The following GRAMD4 variants were observed in gnomAD, a reference collection of about 807,000 sequenced individuals.
GRAMD4 encodes the protein GRAM domain-containing protein 4.
Under a neutral mutation model 83.9 loss-of-function variants are expected in GRAMD4, and 25 were observed. The ratio of observed to expected loss-of-function variants is 0.30; its 90% CI spans 0.22 to 0.42. GRAMD4 has a LOEUF of 0.42. Ranked by LOEUF, GRAMD4 falls within the 10% of genes least tolerant of loss-of-function variation. The pLI, the probability that GRAMD4 is intolerant of heterozygous loss-of-function variation, is 1.00. For missense variants in GRAMD4, 593 were observed against 788.7 expected (o/e 0.75, Z 2.97); for synonymous variants, 336 against 320.9 (o/e 1.05, Z -0.50).
At chr22:46,623,004 TAGGG>T (rs1271308602) in intron 1 of GRAMD4, among the ~76,000 whole-genome samples, 4 of 151,576 alleles carry the variant, frequency 2.6e-5, no homozygotes, top group Non-Finnish European at 4.4e-5. Context: ...AAAGAAGTAA[TAGGG>T]AGGCATTTTA....
At chr22:46,599,187 C>T (rs545207623) in intron 1 of GRAMD4, among the ~76,000 whole-genome samples, 1 of 151,924 alleles carries the variant, frequency 6.6e-6, no homozygotes, top group South Asian at 2.1e-4. Context: ...GATATTTCTG[C>T]TGTTGAGCCA....
chr22:46,585,845 G>A (rs972649096), intron 1 of GRAMD4, among the ~76,000 whole-genome samples: 5 of 152,060 alleles, frequency 3.3e-5, no homozygotes, highest in Admixed American at 2.6e-4. Flanking sequence ...GCTTGAGACC[G>A]GCCTCTCAGG....
chr22:46,625,674 C>T (rs904686228), intron 1 of GRAMD4, among the ~76,000 whole-genome samples: 12 of 152,216 alleles, frequency 7.9e-5, no homozygotes, highest in Non-Finnish European at 1.3e-4. Flanking sequence ...AAGTTGGGGA[C>T]GGGGTTTTGG....
At chr22:46,651,704 G>A (rs1227312449) in intron 3 of GRAMD4, among the ~76,000 whole-genome samples, 2 of 152,228 alleles carry the variant, frequency 1.3e-5, no homozygotes, top group Non-Finnish European at 2.9e-5. Context: ...TGGGCCACGT[G>A]GGTGACTCTG....
At chr22:46,594,903 G>A (rs1900198311) in intron 1 of GRAMD4, among the ~76,000 whole-genome samples, 1 of 152,114 alleles carries the variant, frequency 6.6e-6, no homozygotes, top group South Asian at 2.1e-4. Flanking sequence ...TTTGCTGTCT[G>A]TGGTTTGCTG....
In GRAMD4 at chr22:46,673,777, G is replaced by T; in HGVS notation, c.1347G>T (p.Glu449Asp). ...FHSTKKGNFH[E>D]IFNLTENERP... ...GCACCAAGAAGGGCAATTTCCACGAGATCTTCAATCTGACAGAAAACGAGC... is the reference window on the plus strand; with the variant it reads ...GCACCAAGAAGGGCAATTTCCACGATATCTTCAATCTGACAGAAAACGAGC... The change falls in exon 15 of 19, where the codon GAG becomes GAT. Residue 449 changes from glutamate (E) to aspartate (D), a missense_variant. Glu to Asp is a conservative substitution (Grantham distance 45). Transcript: ENST00000406902. 1 of 1,613,154 alleles carries T rather than the reference G, an allele frequency of 6.2e-7. No homozygotes were observed. The highest frequency in any genetic ancestry group is 8.5e-7 in the Non-Finnish European group (1 of 1,179,982).
intron 1 of GRAMD4, among the ~76,000 whole-genome samples, chr22:46,594,505 G>A (rs1437143922): frequency 3.3e-5 from 5 of 152,130 alleles, no homozygotes; most frequent in Non-Finnish European, 7.4e-5. Flanking sequence ...TGGGGTAGGG[G>A]GAGGCTCCTG....
intron 7 of GRAMD4, 46 bp from the exon 8 acceptor site, chr22:46,663,980 G>C: frequency 6.3e-7 from 1 of 1,575,616 alleles, no homozygotes; most frequent in Non-Finnish European, 8.7e-7. Flanking sequence ...TGGTTAAGCG[G>C]CCTCCTACCC....
At chr22:46,610,112 A>G (rs1405285524) in intron 1 of GRAMD4, among the ~76,000 whole-genome samples, 1 of 152,012 alleles carries the variant, frequency 6.6e-6, no homozygotes, top group African/African-American at 2.4e-5. Context: ...GAACTTGGAG[A>G]CCGTCCAGGC....
At chr22:46,638,615 G>A (rs1413412792) in intron 3 of GRAMD4, among the ~76,000 whole-genome samples, 1 of 152,214 alleles carries the variant, frequency 6.6e-6, no homozygotes, top group East Asian at 1.9e-4. Context: ...GGCACAGAGG[G>A]TTCACAAAGT....
At chr22:46,591,793 A>G (rs2081210306) in intron 1 of GRAMD4, among the ~76,000 whole-genome samples, 1 of 136,740 alleles carries the variant, frequency 7.3e-6, no homozygotes, top group South Asian at 2.3e-4. Flanking sequence ...AGATCAAGCC[A>G]CTGCACTCCA....
At chr22:46,589,548 G>T (rs111909104) in intron 1 of GRAMD4, among the ~76,000 whole-genome samples, 1 of 151,948 alleles carries the variant, frequency 6.6e-6, no homozygotes, top group African/African-American at 2.4e-5. Flanking sequence ...GATGTGGGGG[G>T]TGGCTGCCAC....
At chr22:46,618,391 G>C (rs142030258), upstream of GRAMD4, among the ~76,000 whole-genome samples, 2 of 152,332 alleles carry the variant, frequency 1.3e-5, no homozygotes, top group African/African-American at 4.8e-5. This position sits in a 1 kb window ranked among gnomAD's most constrained non-coding sequence, Gnocchi z 5.8. Flanking sequence ...TGGAATGACA[G>C]CGGGCGGCGC....
chr22:46,643,036 G>C (rs1382927598), intron 3 of GRAMD4, among the ~76,000 whole-genome samples: 3 of 21,572 alleles, frequency 1.4e-4, no homozygotes, highest in African/African-American at 3.1e-4. Flanking sequence ...TCCATCCCTG[G>C]ATCCATCCGT....
intron 1 of GRAMD4, among the ~76,000 whole-genome samples, chr22:46,597,802 T>C (rs1415431785): frequency 6.6e-6 from 1 of 152,202 alleles, no homozygotes; most frequent in Non-Finnish European, 1.5e-5. Context: ...GGCATGGTTT[T>C]AATTAGGACA....
At chr22:46,666,417 G>T (rs1227125840) in intron 9 of GRAMD4, among the ~76,000 whole-genome samples, 1 of 152,230 alleles carries the variant, frequency 6.6e-6, no homozygotes, top group African/African-American at 2.4e-5. Context: ...TTTCCAGATG[G>T]TTCTCTGTGC....
chr22:46,661,601 C>G (rs1460401685), intron 5 of GRAMD4, among the ~76,000 whole-genome samples, 159 bp downstream of exon 5: 2 of 152,246 alleles, frequency 1.3e-5, no homozygotes, highest in African/African-American at 4.8e-5. Flanking sequence ...CACCTGCTGG[C>G]ATCCGGGAAT....
Position 46,678,129 on chromosome 22 carries a change from C to T in GRAMD4, c.*878C>T, listed in dbSNP as rs560911705. ...ATCCGCGAAGGCTGTTGGAGGTGCT[C>T]CGAGCACTGTGGCATGTCTGGCACA... On this transcript the variant is annotated 3_prime_UTR_variant, in exon 19 of 19. Coordinates refer to ENST00000406902, the MANE Select transcript of GRAMD4 (RefSeq NM_015124.5). 2.0e-6 allele frequency: 2 copies of T among 985,608 alleles called. No individual in the cohort carries two copies. Among genetic ancestry groups the T allele is most frequent in the African/African-American group, 3.5e-5 (2 of 57,364 alleles). 61.1% of individuals were successfully genotyped at this position (985,608 alleles called of 1,614,324 possible). A position where few individuals can be genotyped will look rare whatever the true frequency, so the allele number is the denominator to read the frequency against.
intron 17 of GRAMD4, 60 bp from the exon 18 acceptor site, chr22:46,676,540 G>T: frequency 1.4e-6 from 2 of 1,468,912 alleles, no homozygotes; most frequent in East Asian, 2.5e-5. Flanking sequence ...GGCCTGTGGA[G>T]GGCTGTGCCT....
Sources: gnomAD v4.1 joint callset for allele counts (sites outside exome capture counted in the v4.1 genomes callset) on GRCh38, gnomAD v4.1.1 for gene constraint, Gnocchi (gnomAD v3.1) non-coding constraint, MANE v1.5 for transcripts, NCBI Gene and HGNC (gene_info 2026-07-23, HGNC 2026-07-21) for gene names.